Variants in DOCK5 observed in about 807,000 individuals in gnomAD.
DOCK5 encodes dedicator of cytokinesis 5.
A neutral mutation model predicts 251.8 loss-of-function variants in DOCK5; 142 were observed. That is an observed-to-expected ratio of 0.56 (90% CI 0.49 to 0.65). The LOEUF is 0.65. Among genes scored for constraint, DOCK5 ranks in the 30% least tolerant of loss-of-function variants. The pLI, the probability that DOCK5 is intolerant of heterozygous loss-of-function variation, is 0.00. For missense variants in DOCK5, 2,111 were observed against 2,312.3 expected (o/e 0.91, Z 1.79); for synonymous variants, 842 against 835.5 (o/e 1.01, Z -0.13).
At chr8:25,377,251 TG>T (rs1365821722) in intron 37 of DOCK5, 53 bp from the exon 38 acceptor site, 7 of 1,554,090 alleles carry the variant, frequency 4.5e-6, no homozygotes, top group African/African-American at 4.1e-5. Context: ...TTCTTGATGT[TG>T]GGGGGCTGAA....
At chr8:25,352,294 AGG>A (rs1464933175) in intron 27 of DOCK5, among the ~76,000 whole-genome samples, 97 of 124,074 alleles carry the variant, frequency 7.8e-4, no homozygotes, top group South Asian at 3.2e-3. Context: ...GAAGGAAAAA[AGG>A]AGAGAAAAGA....
chr8:25,409,981 T>G, intron 50 of DOCK5, 118 bp from the exon 51 acceptor site: 1 of 756,524 alleles, frequency 1.3e-6, no homozygotes, highest in South Asian at 1.8e-5. Flanking sequence ...AACCATAGAA[T>G]GTGGCTTTCA....
intron 3 of DOCK5, among the ~76,000 whole-genome samples, chr8:25,270,292 A>G (rs1803873139): frequency 6.6e-6 from 1 of 152,202 alleles, no homozygotes; most frequent in Admixed American, 6.5e-5. Flanking sequence ...GGGGTCCAAG[A>G]CAGCAGGCAT....
At chr8:25,407,420 T>G (rs1016276612) in intron 48 of DOCK5, among the ~76,000 whole-genome samples, 1 of 152,198 alleles carries the variant, frequency 6.6e-6, no homozygotes, top group African/African-American at 2.4e-5. Flanking sequence ...TGCCTGTACA[T>G]TGAATTAAGC....
chr8:25,341,979 TGA>T (rs1398657706), intron 24 of DOCK5, among the ~76,000 whole-genome samples, 170 bp downstream of exon 24: 1 of 152,162 alleles, frequency 6.6e-6, no homozygotes, highest in Non-Finnish European at 1.5e-5. Flanking sequence ...AAACCTGCCC[TGA>T]GAGAGGTTTG....
chr8:25,272,360 G>T (rs1586284054), intron 3 of DOCK5, among the ~76,000 whole-genome samples: 1 of 152,180 alleles, frequency 6.6e-6, no homozygotes, highest in African/African-American at 2.4e-5. Flanking sequence ...AAATCATCAT[G>T]TCTGAACATC....
chr8:25,385,718 A>G (rs1161399645), intron 40 of DOCK5, among the ~76,000 whole-genome samples: 2 of 152,220 alleles, frequency 1.3e-5, no homozygotes, highest in Non-Finnish European at 2.9e-5. Flanking sequence ...AGATAAATCA[A>G]TAAACTATTT....
chr8:25,384,442 T>TATTG (rs1801124252), intron 40 of DOCK5, among the ~76,000 whole-genome samples: 2 of 25,186 alleles, frequency 7.9e-5, no homozygotes, highest in Admixed American at 1.4e-3. Context: ...TTTATTTATT[T>TATTG]ATTTATTTAT....
intron 1 of DOCK5, among the ~76,000 whole-genome samples, chr8:25,214,736 T>A (rs1802191144): frequency 6.6e-6 from 1 of 152,132 alleles, no homozygotes; most frequent in South Asian, 2.1e-4. Flanking sequence ...GTCATTAATC[T>A]TCCACAAACC....
chr8:25,264,523 G>T (rs1803684945), intron 2 of DOCK5, among the ~76,000 whole-genome samples: 1 of 151,682 alleles, frequency 6.6e-6, no homozygotes, highest in African/African-American at 2.4e-5. Context: ...CAGCAAGGAT[G>T]CTCTTTTAAA....
chr8:25,255,553 G>A (rs970714968), intron 2 of DOCK5, among the ~76,000 whole-genome samples: 1 of 152,174 alleles, frequency 6.6e-6, no homozygotes, highest in Non-Finnish European at 1.5e-5. Context: ...GTAGAGCACA[G>A]GGAATTTTTA....
intron 2 of DOCK5, among the ~76,000 whole-genome samples, chr8:25,256,638 CAAAAAA>C (rs891243325): frequency 2.0e-5 from 1 of 48,950 alleles, no homozygotes; most frequent in South Asian, 7.5e-4. Context: ...ATCTCCATCT[CAAAAAA>C]AAAAAAAAAA....
At chr8:25,243,590 A>C (rs1803014482) in intron 1 of DOCK5, 84 bp from the exon 2 acceptor site, 2 of 1,318,268 alleles carry the variant, frequency 1.5e-6, no homozygotes, top group Non-Finnish European at 2.1e-6. Context: ...CACCCTCTCA[A>C]AGTGCTGAGA....
intron 11 of DOCK5, among the ~76,000 whole-genome samples, chr8:25,307,362 AC>A (rs1252604638): frequency 6.6e-6 from 1 of 152,068 alleles, no homozygotes. Context: ...CAGGTGATCC[AC>A]CTGCCTCGGC....
intron 46 of DOCK5, 139 bp downstream of exon 46, chr8:25,400,133 A>C: frequency 1.5e-6 from 1 of 671,390 alleles, no homozygotes. Context: ...CCACCTATCT[A>C]TGTATTTGTT....
intron 14 of DOCK5, 76 bp from the exon 15 acceptor site, chr8:25,319,502 T>C (rs1472438704): frequency 1.0e-6 from 1 of 963,738 alleles, no homozygotes; most frequent in Middle Eastern, 2.2e-4. Flanking sequence ...GGTGAGGGGC[T>C]TGTGCATGGT....
At chr8:25,244,133 A>C (rs1212415267) in intron 2 of DOCK5, among the ~76,000 whole-genome samples, 2 of 152,206 alleles carry the variant, frequency 1.3e-5, no homozygotes, top group African/African-American at 4.8e-5. Context: ...GTTCAGCACT[A>C]AATGTTCCCA....
rs560898504 is a variant in DOCK5, at chr8:25,392,236, G to A, written c.4440+256G>A. Among the ~76,000 whole-genome samples, 28 of 151,968 alleles carry A rather than the reference G, an allele frequency of 1.8e-4. No homozygotes were observed. In the East Asian group the frequency reaches 4.7e-3, roughly 25 times the overall value. On this transcript the variant is annotated intron_variant, in intron 43 of 51. Coordinates refer to ENST00000276440, the MANE Select transcript of DOCK5 (RefSeq NM_024940.8). ...CGAGAATTGCTTAAACCCAGGAGGC[G>A]GAGGTTGCAGTGAGCTGAGGTCGCA... is the stretch of plus-strand genomic sequence containing the variant.
At chr8:25,401,267 A>G (rs1801434150) in intron 47 of DOCK5, among the ~76,000 whole-genome samples, 1 of 152,182 alleles carries the variant, frequency 6.6e-6, no homozygotes. Flanking sequence ...CAACTTGAAC[A>G]ACTATCAGAA....
Sources: gnomAD v4.1 joint callset for allele counts (sites outside exome capture counted in the v4.1 genomes callset) on GRCh38, gnomAD v4.1.1 for gene constraint, MANE v1.5 for transcripts, NCBI Gene and HGNC (gene_info 2026-07-23, HGNC 2026-07-21) for gene names.